Variants in N4BP2 observed in about 807,000 individuals in gnomAD.
N4BP2 encodes NEDD4 binding protein 2.
In N4BP2, 91 loss-of-function variants were observed where a neutral mutation model predicts 152.8. That is an observed-to-expected ratio of 0.60 (90% CI 0.50 to 0.71). N4BP2 has a LOEUF of 0.71. N4BP2 is among the 30% of genes least tolerant of loss of function. N4BP2 has a pLI of 0.00. For missense variants in N4BP2, 1,923 were observed against 2,059.1 expected (o/e 0.93, Z 1.28); for synonymous variants, 646 against 705.3 (o/e 0.92, Z 1.33).
chr4:40,091,602 C>CTTTTT (rs35142277), intron 2 of N4BP2, among the ~76,000 whole-genome samples: 16 of 80,464 alleles, frequency 2.0e-4, no homozygotes, highest in Non-Finnish European at 3.1e-4. Context: ...GTATACAATC[C>CTTTTT]TTTTTTTTTT....
At chr4:40,101,150 ATTATTTAT>A (rs370963126) in intron 3 of N4BP2, among the ~76,000 whole-genome samples, 257 of 151,898 alleles carry the variant, frequency 1.7e-3, no homozygotes, top group African/African-American at 5.8e-3. Context: ...AAAAGTGTGC[ATTATTTAT>A]TTATTTATTT....
chr4:40,072,227 C>A (rs1160668720), intron 1 of N4BP2, among the ~76,000 whole-genome samples: 8 of 151,224 alleles, frequency 5.3e-5, no homozygotes, highest in African/African-American at 1.7e-4. Flanking sequence ...AGGCGTGTGC[C>A]ACTATGCCTG....
At chr4:40,176,771 G>A in the N4BP2 span, among the ~76,000 whole-genome samples, 1 of 152,198 alleles carries the variant, frequency 6.6e-6, no homozygotes, top group Non-Finnish European at 1.5e-5. Context: ...CACCCAACCT[G>A]CCCACTGAGG....
Position 40,092,007 on chromosome 4 carries a change from AT to A in N4BP2, c.-114-5218del, listed in dbSNP as rs1553920270. ...AAAAAAAAAAAAAAAAAAAAAAAAA[AT>A]TATATATATATATATATATATATAT... On this transcript the variant is annotated intron_variant, in intron 2 of 17. Transcript: ENST00000261435. 2.9e-3 allele frequency among the ~76,000 whole-genome samples: 98 copies of A among 33,316 alleles called. 1 individual carries two copies. The highest frequency in any genetic ancestry group is 5.6e-3 in the African/African-American group (46 of 8,180). The allele number at this position is 33,316 out of a possible 152,430, so 21.9% of individuals were successfully genotyped here. A position where few individuals can be genotyped will look rare whatever the true frequency, so the allele number is the denominator to read the frequency against.
intron 1 of N4BP2, among the ~76,000 whole-genome samples, chr4:40,071,681 C>T (rs1712199301): frequency 6.6e-6 from 1 of 151,640 alleles, no homozygotes; most frequent in Non-Finnish European, 1.5e-5. Flanking sequence ...ATTCTCCTGC[C>T]TCAGCCTCCC....
At chr4:40,085,725 G>A (rs1379039478) in intron 2 of N4BP2, among the ~76,000 whole-genome samples, 1 of 152,214 alleles carries the variant, frequency 6.6e-6, no homozygotes, top group Non-Finnish European at 1.5e-5. Flanking sequence ...AAAATCTCGA[G>A]AGTGGCAGTG....
In N4BP2 at chr4:40,152,923, ATT is replaced by A. The variant is rs1560651532; in HGVS notation, c.5267+21_5267+22del. 3.1e-6 allele frequency: 5 copies of A among 1,611,820 alleles called. No individual in the cohort carries two copies. The Admixed American group carries it at 8.4e-5, about 27-fold the overall frequency. Reference sequence around the variant, plus strand: ...CTTCAGGTGAGTGTAGATTTCTGTTATTAATAATGGCAACTGCCCATATAGAT... The same window carrying A: ...CTTCAGGTGAGTGTAGATTTCTGTTAAATAATGGCAACTGCCCATATAGAT... On this transcript the variant is annotated intron_variant, in intron 17 of 17. Coordinates refer to ENST00000261435, the MANE Select transcript of N4BP2 (RefSeq NM_018177.6).
At chr4:40,152,055 C>G (rs984081224) in intron 16 of N4BP2, among the ~76,000 whole-genome samples, 1 of 152,266 alleles carries the variant, frequency 6.6e-6, no homozygotes, top group African/African-American at 2.4e-5. Flanking sequence ...TTCACAAGGT[C>G]ATTTCCAAAA....
chr4:40,096,008 G>A (rs902667674), intron 2 of N4BP2, among the ~76,000 whole-genome samples: 7 of 152,042 alleles, frequency 4.6e-5, no homozygotes, highest in African/African-American at 1.7e-4. Flanking sequence ...AAAGATGACA[G>A]GTGTCAGACC....
chr4:40,105,973 A>C (rs1716236579), intron 4 of N4BP2, among the ~76,000 whole-genome samples: 1 of 152,230 alleles, frequency 6.6e-6, no homozygotes, highest in Non-Finnish European at 1.5e-5. Flanking sequence ...ATGAGCATTC[A>C]CTAGAATGTA....
At chr4:40,080,308 C>CTG (rs1553918927) in intron 2 of N4BP2, among the ~76,000 whole-genome samples, 13 of 90,448 alleles carry the variant, frequency 1.4e-4, no homozygotes, top group Non-Finnish European at 2.6e-4. Flanking sequence ...ATAGTGTGAG[C>CTG]TGTATATATA....
chr4:40,102,803 C>T lies in N4BP2; in HGVS notation c.958C>T (p.Pro320Ser). The change falls in exon 4 of 18, where the codon CCT becomes TCT. Residue 320 changes from proline (P) to serine (S), a missense_variant. By Grantham distance (74) the Pro-to-Ser change is moderately conservative. Transcript: ENST00000261435. ...TACTCGGGTCTCTGATGTGTTTCTA[C>T]CTTCCGAAGGGTTCAACTTCAAGCC... is the stretch of plus-strand genomic sequence containing the variant. ...KSTRVSDVFL[P>S]SEGFNFKPHK... 6.2e-7 allele frequency: 1 copy of T among 1,614,124 alleles called. No homozygotes were observed. Among genetic ancestry groups the T allele is most frequent in the Non-Finnish European group, 8.5e-7 (1 of 1,180,020 alleles).
In N4BP2 at chr4:40,110,937, C is replaced by T. The variant is rs74740705; in HGVS notation, c.1499-1147C>T. Among the ~76,000 whole-genome samples the T allele has an allele frequency of 4.5e-3, 692 of 152,266 alleles. 21 individuals are homozygous for T. The East Asian group carries it at 0.085, about 19-fold the overall frequency. On this transcript the variant is annotated intron_variant, in intron 5 of 17. Transcript: ENST00000261435. ...ACTTCCAAATAAATTACTTGTAAGA[C>T]TTACTTGTTGTGGTACATCATTAAT...
At chr4:40,125,905 AATT>A (rs1347755520) in intron 11 of N4BP2, among the ~76,000 whole-genome samples, 7 of 143,366 alleles carry the variant, frequency 4.9e-5, no homozygotes, top group Middle Eastern at 3.6e-3. Context: ...AAAAAAAAAA[AATT>A]ATACACAGAT....
intron 8 of N4BP2, 97 bp from the exon 9 acceptor site, chr4:40,119,835 C>G (rs1717687898): frequency 3.5e-6 from 2 of 565,580 alleles, no homozygotes; most frequent in Non-Finnish European, 6.2e-6. Flanking sequence ...TTCAGAATAA[C>G]TGTTAAGTGC....
chr4:40,145,593 G>T (rs1165864627), intron 16 of N4BP2, among the ~76,000 whole-genome samples: 1 of 152,150 alleles, frequency 6.6e-6, no homozygotes, highest in African/African-American at 2.4e-5. Flanking sequence ...AACTTTAAGA[G>T]CCGTTTAAAT....
rs1717986826 is a variant in N4BP2, at chr4:40,122,111, G to A, written c.4000G>A (p.Asp1334Asn). 6.3e-7 allele frequency: 1 copy of A among 1,592,338 alleles called. No homozygotes were observed. Among genetic ancestry groups the A allele is most frequent in the South Asian group, 1.1e-5 (1 of 89,152 alleles). The change falls in exon 9 of 18, where the codon GAT (aspartate) becomes AAT (asparagine). Residue 1334 changes from aspartate (D) to asparagine (N), a missense_variant. Asp to Asn is a conservative substitution (Grantham distance 23). Transcript: ENST00000261435. ...FSDEEEFMNE[D>N]EKEMKEILMA... ...AGATGAAGAAGAATTTATGAATGAA[G>A]ATGAGAAGGAAATGAAGGAAATTCT...
intron 1 of N4BP2, among the ~76,000 whole-genome samples, chr4:40,072,242 ATTTTTTTT>A (rs34754962): frequency 1.0e-4 from 12 of 117,558 alleles, no homozygotes; most frequent in Non-Finnish European, 1.6e-4. Flanking sequence ...TGCCTGGCTA[ATTTTTTTT>A]TTTTTTTTTT....
the N4BP2 span, among the ~76,000 whole-genome samples, chr4:40,186,590 G>A: frequency 6.6e-6 from 1 of 152,184 alleles, no homozygotes; most frequent in Non-Finnish European, 1.5e-5. Flanking sequence ...TGACCTAGAG[G>A]TTGCCTCTAT....
Sources: gnomAD v4.1 joint callset for allele counts (sites outside exome capture counted in the v4.1 genomes callset) on GRCh38, gnomAD v4.1.1 for gene constraint, MANE v1.5 for transcripts, NCBI Gene and HGNC (gene_info 2026-07-23, HGNC 2026-07-21) for gene names.